Variants in DDB1 observed in about 807,000 individuals in gnomAD.
DDB1 encodes damage specific DNA binding protein 1, also known as DNA damage-binding protein 1.
Under a neutral mutation model 133.1 loss-of-function variants are expected in DDB1, and 18 were observed. That is an observed-to-expected ratio of 0.14 (90% CI 0.09 to 0.20). The LOEUF (loss-of-function observed/expected upper bound fraction) is 0.20, where lower values mean the gene tolerates loss of function less well. Ranked by LOEUF, DDB1 falls within the 10% of genes least tolerant of loss-of-function variation. The probability of loss-of-function intolerance (pLI) is 1.00; values close to 1 mark genes in which losing one functional copy is unlikely to be tolerated. For synonymous variants in DDB1, 580 were observed against 550.5 expected (o/e 1.05, Z -0.75); for missense variants, 828 against 1,459.2 (o/e 0.57, Z 7.05).
intron 8 of DDB1, 184 bp downstream of exon 8, chr11:61,322,827 G>T: frequency 1.7e-6 from 1 of 600,248 alleles, no homozygotes. Flanking sequence ...TGGCAAATTT[G>T]CTGAATGAAC....
intron 21 of DDB1, among the ~76,000 whole-genome samples, chr11:61,308,002 C>T (rs544236809): frequency 6.6e-6 from 1 of 152,120 alleles, no homozygotes; most frequent in African/African-American, 2.4e-5. Context: ...CCTCTTATAC[C>T]GCTGCTTCTA....
chr11:61,309,655 A>G, intron 20 of DDB1, 141 bp downstream of exon 20: 1 of 856,422 alleles, frequency 1.2e-6, no homozygotes, highest in Non-Finnish European at 1.8e-6. Context: ...AATTCAATCA[A>G]ATAAAGAAGA....
chr11:61,311,761 C>G (rs147201675), intron 18 of DDB1, 23 bp downstream of exon 18: 280 of 1,597,368 alleles, frequency 1.8e-4, no homozygotes, highest in Non-Finnish European at 2.1e-4. Context: ...CTAAGGTCAT[C>G]TTTCTTTGTC....
intron 24 of DDB1, 64 bp downstream of exon 24, chr11:61,302,518 C>T: frequency 6.2e-7 from 1 of 1,604,556 alleles, no homozygotes; most frequent in South Asian, 1.1e-5. Flanking sequence ...CTCCCCAGTC[C>T]CTCAGAATGC....
chr11:61,316,061 T>TA, intron 12 of DDB1: 1 of 461,446 alleles, frequency 2.2e-6, no homozygotes, highest in South Asian at 4.6e-5. Context: ...AAAATGTAAA[T>TA]AAATACACAG....
In DDB1 at chr11:61,300,008, T is replaced by A; in HGVS notation, c.*128A>T. ...CCGCCCCACTTCCACATAGGGGAAC[T>A]GTGGCTCTGGGGGCAGCTGGCTTAG... On this transcript the variant is annotated 3_prime_UTR_variant, in exon 27 of 27. Coordinates refer to ENST00000301764, the MANE Select transcript of DDB1 (RefSeq NM_001923.5). 2 of 839,654 alleles carry A rather than the reference T, an allele frequency of 2.4e-6. No individual in the cohort carries two copies. The highest frequency in any genetic ancestry group is 5.1e-5 in the East Asian group (2 of 39,162). 52.0% of individuals were successfully genotyped at this position (839,654 alleles called of 1,614,324 possible).
At chr11:61,325,864 G>C (rs28720276) in intron 5 of DDB1, 156 bp from the exon 6 acceptor site, 2 of 700,246 alleles carry the variant, frequency 2.9e-6, no homozygotes, top group South Asian at 3.0e-5. Flanking sequence ...TAGCCTTTAC[G>C]AGACTCTTAG....
chr11:61,325,786 G>T, intron 5 of DDB1, 78 bp from the exon 6 acceptor site: 1 of 1,172,240 alleles, frequency 8.5e-7, no homozygotes, highest in Non-Finnish European at 1.3e-6. Context: ...TACAGGTCTA[G>T]TTAGCCCCAA....
In DDB1 at chr11:61,323,114, G is replaced by A. The variant is rs750761075; in HGVS notation, c.922-20C>T. 17 of 1,607,672 alleles carry A rather than the reference G, an allele frequency of 1.1e-5. No homozygotes were observed. The highest frequency in any genetic ancestry group is 3.3e-4 in the Middle Eastern group (2 of 6,074). On this transcript the variant is annotated intron_variant, in intron 7 of 26. Transcript: ENST00000301764. ...AGAGGTCTGGAAGAAAGTCAGCAAC[G>A]TGAAAGAAATGAGAATGGACCCTAC...
In DDB1 at chr11:61,300,174, G is replaced by A. The variant is rs937001154; in HGVS notation, c.3385C>T (p.Leu1129Phe). 1.2e-6 allele frequency: 2 copies of A among 1,614,210 alleles called. No individual in the cohort carries two copies. The highest frequency in any genetic ancestry group is 2.2e-5 in the East Asian group (1 of 44,876). ...GMKREATADD[L>F]IKVVEELTRI... ...GTTAGCTCCTCCACAACCTTGATGA[G>A]GTCGTCTGCAGTGGCCTCTCGCTTC... The change falls in exon 27 of 27, where the codon CTC becomes TTC. Residue 1129 changes from leucine to phenylalanine, a missense_variant. Physicochemically the swap from Leu to Phe is conservative, Grantham distance 22. This residue lies in a region of DDB1 where 116 missense variants were observed against 221.6 expected (regional missense o/e 0.52). Transcript: ENST00000301764.
chr11:61,300,957 G>A (rs376864034), intron 25 of DDB1, 25 bp from the exon 26 acceptor site: 227 of 1,613,304 alleles, frequency 1.4e-4, no homozygotes, highest in Non-Finnish European at 1.8e-4. Context: ...TAAGGAACAC[G>A]TGCTTATCAG....
At position 61,324,118 on chromosome 11, in the gene DDB1, TG is replaced by T; in HGVS notation, c.781del (p.His261ThrfsTer42). On this transcript the variant is annotated frameshift_variant, in exon 7 of 27. Coordinates refer to ENST00000301764, the MANE Select transcript of DDB1 (RefSeq NM_001923.5). LOFTEE classifies it high-confidence loss of function. ...TGAGCCATTAGGGTCCACTCGATTGTGGCACACAATCGTGCTTTGCTGCCAA... is the reference window on the plus strand; with the variant it reads ...TGAGCCATTAGGGTCCACTCGATTGTGCACACAATCGTGCTTTGCTGCCAA... ...PIIKQSTIVCHNRVDPNGSRY... is the reference protein window; with the variant it reads ...PIIKQSTIVCXNRVDPNGSRY... 6.2e-7 allele frequency: 1 copy of T among 1,614,136 alleles called. No individual in the cohort carries two copies. Among genetic ancestry groups the T allele is most frequent in the Non-Finnish European group, 8.5e-7 (1 of 1,180,018 alleles).
rs541921768 is a variant in DDB1, at chr11:61,328,497, C to A, written c.549+866G>T. 1.3e-4 allele frequency among the ~76,000 whole-genome samples: 20 copies of A among 152,322 alleles called. No individual in the cohort carries two copies. The South Asian group carries it at 4.1e-3, about 32-fold the overall frequency. Reference sequence around the variant, plus strand: ...TAGTCTGGTGCTCTACCACCCCACCCCCGCTTAACAGATCTGGACCAGAGA... The same window carrying A: ...TAGTCTGGTGCTCTACCACCCCACCACCGCTTAACAGATCTGGACCAGAGA... On this transcript the variant is annotated intron_variant, in intron 4 of 26. Transcript: ENST00000301764.
chr11:61,316,651 G>C (rs931323699), intron 10 of DDB1, 84 bp from the exon 11 acceptor site: 1 of 1,402,378 alleles, frequency 7.1e-7, no homozygotes, highest in Non-Finnish European at 1.0e-6. Flanking sequence ...GCCAGGGGCA[G>C]TGGCTCATGC....
intron 16 of DDB1, among the ~76,000 whole-genome samples, chr11:61,312,867 AG>A (rs1856001605): frequency 6.6e-6 from 1 of 151,944 alleles, no homozygotes; most frequent in Non-Finnish European, 1.5e-5. Flanking sequence ...CCAAAGAGCT[AG>A]GATTACAGGC....
chr11:61,301,776 T>C (rs939949271), intron 25 of DDB1: 1 of 153,146 alleles, frequency 6.5e-6, no homozygotes, highest in African/African-American at 2.4e-5. Flanking sequence ...GGGCCCTTTA[T>C]ATCTCCTGTA....
rs1485112879 is a variant in DDB1, at chr11:61,310,065, TACCACCTG to T, written c.2402-113_2402-106del. ...GTGGCTTAGGCAGTGACAAAGCGTG[TACCACCTG>T]CTGTCCCTGTCTCATCAGATTATCC... On this transcript the variant is annotated intron_variant, in intron 19 of 26. Coordinates refer to ENST00000301764, the MANE Select transcript of DDB1 (RefSeq NM_001923.5). 1.0e-5 allele frequency: 15 copies of T among 1,469,186 alleles called. No individual in the cohort carries two copies. The African/African-American group carries it at 1.5e-4, about 15-fold the overall frequency. 91.0% of individuals were successfully genotyped at this position (1,469,186 alleles called of 1,614,324 possible).
intron 21 of DDB1, among the ~76,000 whole-genome samples, chr11:61,306,597 A>G (rs1454254066): frequency 6.6e-6 from 1 of 152,080 alleles, no homozygotes; most frequent in Non-Finnish European, 1.5e-5. Flanking sequence ...TACTTTGTCC[A>G]TTCTTATGAC....
In DDB1 at chr11:61,302,369, T is replaced by C. The variant is rs1277858688; in HGVS notation, c.3113-10A>G. The stretch of plus-strand genomic sequence containing the variant: ...AGTGAGGTCACCAGCCCTGAAGAAG[T>C]GAAGGAGGCAGTGAGCTGCAGAGAG... On this transcript the variant is annotated splice_polypyrimidine_tract_variant and intron_variant, in intron 24 of 26. Transcript: ENST00000301764. 6.2e-7 allele frequency: 1 copy of C among 1,613,628 alleles called. No individual in the cohort carries two copies. The highest frequency in any genetic ancestry group is 8.5e-7 in the Non-Finnish European group (1 of 1,179,566).
Sources: gnomAD v4.1 joint callset for allele counts (sites outside exome capture counted in the v4.1 genomes callset) on GRCh38, gnomAD v4.1.1 for gene constraint, gnomAD v4.1.1 regional missense constraint, MANE v1.5 for transcripts, NCBI Gene and HGNC (gene_info 2026-07-23, HGNC 2026-07-21) for gene names.